POU2F2: variants seen among roughly 807,000 people sequenced by gnomAD.
POU2F2 encodes POU class 2 homeobox 2, also known as POU domain, class 2, transcription factor 2.
POU2F2 carries 14 observed loss-of-function variants against 63.5 expected under a neutral mutation model. That is an observed-to-expected ratio of 0.22 (90% CI 0.15 to 0.34). POU2F2 has a LOEUF of 0.34. POU2F2 is among the 10% of genes least tolerant of loss of function. POU2F2 has a pLI of 1.00. For synonymous variants in POU2F2, 306 were observed against 348.6 expected (o/e 0.88, Z 1.36); for missense variants, 607 against 815.2 (o/e 0.74, Z 3.11).
In POU2F2 at chr19:42,117,334, G is replaced by C. The variant is rs755316278; in HGVS notation, c.285C>G (p.Ala95=). The part of the protein sequence containing the change: ...IKAEDPSGDS[A]PAAPLPPQPA... ...GCTGAGGGGGCAGGGGTGCTGCTGGGGCTGAATCGCCACTGGGGTCTTCAG... is the reference window on the plus strand; with the variant it reads ...GCTGAGGGGGCAGGGGTGCTGCTGGCGCTGAATCGCCACTGGGGTCTTCAG... The change falls in exon 5 of 15, where the codon GCC becomes GCG. Residue 95 remains alanine (A), a synonymous_variant. Transcript: ENST00000692977. The surrounding 1 kb of genome is among the most constrained non-coding windows in gnomAD (Gnocchi z 4.4). The C allele has an allele frequency of 6.5e-7, 1 of 1,529,410 alleles. No individual in the cohort carries two copies. The highest frequency in any genetic ancestry group is 1.3e-5 in the South Asian group (1 of 76,786). The allele number at this position is 1,529,410 out of a possible 1,614,324, so 94.7% of individuals were successfully genotyped here.
In POU2F2 at chr19:42,149,655, TAG is replaced by T. The variant is rs572630359; in HGVS notation, c.-9+10675_-9+10676del. 1.9e-4 allele frequency among the ~76,000 whole-genome samples: 28 copies of T among 147,122 alleles called. 2 individuals carry two copies. The South Asian group carries it at 5.6e-3, about 30-fold the overall frequency. ...AGACAGGAAGATGCAGATAAAGAGG[TAG>T]AGAGAGAGAACAGCAGAAAGAGAGA... On this transcript the variant is annotated intron_variant, in intron 2 of 6. Transcript: ENST00000524801.
chr19:42,154,927 C>T (rs542551585), intron 2 of POU2F2, among the ~76,000 whole-genome samples: 5 of 152,230 alleles, frequency 3.3e-5, no homozygotes, highest in South Asian at 4.1e-4. Flanking sequence ...CAGCCAGAGC[C>T]GACTGGGACC....
intron 4 of POU2F2, among the ~76,000 whole-genome samples, chr19:42,119,499 C>T (rs1450230612): frequency 6.6e-6 from 1 of 152,096 alleles, no homozygotes; most frequent in Non-Finnish European, 1.5e-5. Flanking sequence ...ATGGTGAAAC[C>T]CCATCTCTAC....
rs1317692739 is a variant in POU2F2 at position 42,144,512 on chromosome 19, G to A, written c.-9+15820C>T. Among the ~76,000 whole-genome samples the A allele has an allele frequency of 3.3e-5, 5 of 152,170 alleles. No homozygotes were observed. In the East Asian group the frequency reaches 9.6e-4, roughly 29 times the overall value. On this transcript the variant is annotated intron_variant, in intron 2 of 6. Coordinates refer to the POU2F2 transcript ENST00000524801. ...GATTCAGTTCCACATCTTCAGGGAG[G>A]GCCCACTGTGCCAGACCTTGTGCCA... is the stretch of plus-strand genomic sequence containing the variant.
At chr19:42,108,779 A>G (rs2030578770) in intron 5 of POU2F2, among the ~76,000 whole-genome samples, 1 of 152,156 alleles carries the variant, frequency 6.6e-6, no homozygotes, top group Non-Finnish European at 1.5e-5. Flanking sequence ...GAGAAGGTAT[A>G]GTAAGTGGAG....
rs577786741 is a variant in POU2F2, at chr19:42,183,995, A to ATT, written c.-70+12386_-70+12387dup. 2.3e-3 allele frequency among the ~76,000 whole-genome samples: 292 copies of ATT among 125,716 alleles called. 3 individuals are homozygous for ATT. Among genetic ancestry groups the ATT allele is most frequent in the African/African-American group, 6.6e-3 (221 of 33,648 alleles). 82.5% of individuals were successfully genotyped at this position (125,716 alleles called of 152,430 possible). The stretch of plus-strand genomic sequence containing the variant: ...AGGAAACTATGAGACACGACTGGGG[A>ATT]TTTTTTTTTTTTTTTTTTTTTTGAG... On this transcript the variant is annotated intron_variant, in intron 1 of 5. Coordinates refer to the POU2F2 transcript ENST00000532176.
chr19:42,135,773 T>C (rs2033997189), upstream of POU2F2, among the ~76,000 whole-genome samples: 1 of 149,942 alleles, frequency 6.7e-6, no homozygotes, highest in African/African-American at 2.5e-5. Context: ...AATGGCACAA[T>C]CCCGGCTCAC....
At chr19:42,174,038 G>A (rs1322250175) in intron 1 of POU2F2, among the ~76,000 whole-genome samples, 1 of 152,140 alleles carries the variant, frequency 6.6e-6, no homozygotes, top group African/African-American at 2.4e-5. Context: ...ACTGTGGGGA[G>A]AGGGGATCTT....
chr19:42,192,223 G>A (rs1314565439), intron 1 of POU2F2, among the ~76,000 whole-genome samples: 1 of 152,140 alleles, frequency 6.6e-6, no homozygotes, highest in Non-Finnish European at 1.5e-5. Flanking sequence ...CATGGGTTGG[G>A]GTGGAGAGGA....
intron 1 of POU2F2, 57 bp from the exon 2 acceptor site, chr19:42,122,633 C>T (rs190759292): frequency 4.6e-5 from 66 of 1,425,834 alleles, no homozygotes; most frequent in Middle Eastern, 2.5e-4. Flanking sequence ...GGAGGGCTCT[C>T]GGGCCCCCAT....
intron 1 of POU2F2, among the ~76,000 whole-genome samples, chr19:42,171,312 G>A (rs893993668): frequency 1.3e-5 from 2 of 152,146 alleles, no homozygotes; most frequent in African/African-American, 2.4e-5. Flanking sequence ...GTGTGTATGC[G>A]TGTGTGTCTG....
intron 2 of POU2F2, among the ~76,000 whole-genome samples, chr19:42,159,078 T>A (rs1235680105): frequency 6.6e-6 from 1 of 152,226 alleles, no homozygotes; most frequent in African/African-American, 2.4e-5. Context: ...AGAAGCTCTA[T>A]ACTGTTGTGA....
intron 2 of POU2F2, among the ~76,000 whole-genome samples, chr19:42,143,699 C>T (rs1273564598): frequency 3.9e-5 from 6 of 152,196 alleles, no homozygotes; most frequent in Admixed American, 3.9e-4. Context: ...AAGCTGTCTG[C>T]CTTTCTGTTC....
rs945111473 is a variant in POU2F2, at chr19:42,112,098, T to A, written c.369+5152A>T. On this transcript the variant is annotated intron_variant, in intron 5 of 14. Transcript: ENST00000692977. ...TCCAGGACAGACAGGCAACAGCAGATCCCAACCCAGGAACCAGTGGGAGCA... is the reference window on the plus strand; with the variant it reads ...TCCAGGACAGACAGGCAACAGCAGAACCCAACCCAGGAACCAGTGGGAGCA... Among the ~76,000 whole-genome samples, 10 of 152,268 alleles carry A rather than the reference T, an allele frequency of 6.6e-5. 1 individual carries two copies. Among genetic ancestry groups the A allele is most frequent in the Admixed American group, 6.5e-4 (10 of 15,298 alleles).
rs56158047 is a variant in POU2F2, at chr19:42,092,987, G to GTATATA, written c.1265-723_1265-718dup. ...ATGCATATATATATTATGTGTGTGT[G>GTATATA]TATATATATATATATATATATATTT... On this transcript the variant is annotated intron_variant, in intron 12 of 14. Coordinates refer to ENST00000692977, the MANE Select transcript of POU2F2 (RefSeq NM_001394376.1). This position sits in a 1 kb window ranked among gnomAD's most constrained non-coding sequence, Gnocchi z 5.0. Among the ~76,000 whole-genome samples, 19 of 92,902 alleles carry GTATATA rather than the reference G, an allele frequency of 2.0e-4. No homozygotes were observed. Among genetic ancestry groups the GTATATA allele is most frequent in the African/African-American group, 8.7e-4 (17 of 19,594 alleles). The allele number at this position is 92,902 out of a possible 152,430, so 60.9% of individuals were successfully genotyped here.
intron 1 of POU2F2, among the ~76,000 whole-genome samples, chr19:42,173,571 A>C (rs577903412): frequency 1.2e-4 from 19 of 152,120 alleles, no homozygotes; most frequent in Admixed American, 5.9e-4. Flanking sequence ...AAAAAAAAAA[A>C]AAAACACCTG....
chr19:42,099,779 G>A lies in POU2F2; in HGVS notation c.412C>T (p.Pro138Ser), dbSNP rs758204585. Residue 138 changes from proline (P) to serine (S), a missense_variant, in exon 6 of 15, where the codon CCA becomes TCA. Physicochemically the swap from Pro to Ser is moderately conservative, Grantham distance 74. This residue lies in a region of POU2F2 where 224 missense variants were observed against 264.3 expected (regional missense o/e 0.85). Transcript: ENST00000692977. ...GCAGGTGGCTGGAGGTGGTGGCCTG[G>A]CACAAGCACCAGCTGCTGGAGCTGG... is the stretch of plus-strand genomic sequence containing the variant. The part of the protein sequence containing the change: ...LLQLQQLVLV[P>S]GHHLQPPAQF... 1.9e-6 allele frequency: 3 copies of A among 1,585,286 alleles called. No homozygotes were observed. The highest frequency in any genetic ancestry group is 2.6e-6 in the Non-Finnish European group (3 of 1,164,532).
intron 1 of POU2F2, among the ~76,000 whole-genome samples, chr19:42,172,023 C>T (rs1222900655): frequency 6.6e-6 from 1 of 152,220 alleles, no homozygotes; most frequent in Admixed American, 6.5e-5. Context: ...CTTCTCAGAG[C>T]AGCAGCTGAG....
At chr19:42,115,512 G>A (rs998505693) in intron 5 of POU2F2, among the ~76,000 whole-genome samples, 1 of 152,194 alleles carries the variant, frequency 6.6e-6, no homozygotes, top group African/African-American at 2.4e-5. Flanking sequence ...GGCTTCCCAC[G>A]ACCTTCACTG....
Sources: allele counts gnomAD v4.1 joint callset (sites outside exome capture counted in the v4.1 genomes callset), GRCh38; gene constraint gnomAD v4.1.1; regional missense constraint gnomAD v4.1.1; non-coding constraint Gnocchi (gnomAD v3.1); transcripts MANE v1.5; gene names NCBI Gene and HGNC (gene_info 2026-07-23, HGNC 2026-07-21).